Variants in NTN1 observed in about 807,000 individuals in gnomAD.
The protein encoded by NTN1 is netrin 1, also known as netrin-1.
In NTN1, 11 loss-of-function variants were observed where a neutral mutation model predicts 54.2. The observed-to-expected ratio is 0.20, with a 90% CI of 0.13 to 0.34. NTN1 has a LOEUF of 0.34. Ranked by LOEUF, NTN1 falls within the 10% of genes least tolerant of loss-of-function variation. The pLI, the probability that NTN1 is intolerant of heterozygous loss-of-function variation, is 1.00. For missense variants in NTN1, 740 were observed against 893.1 expected, an observed-to-expected ratio of 0.83 and a Z score of 2.18; for synonymous variants, 371 against 382.0, an observed-to-expected ratio of 0.97 and a Z score of 0.33.
At chr17:9,163,043 G>T (rs748971464) in intron 3 of NTN1, 42 bp downstream of exon 3, 1 of 1,541,082 alleles carries the variant, frequency 6.5e-7, no homozygotes, top group South Asian at 1.2e-5. Flanking sequence ...GGAGACCCGG[G>T]GAACATCAGT....
chr17:9,026,657 G>A (rs1235171954), intron 2 of NTN1, among the ~76,000 whole-genome samples: 2 of 143,446 alleles, frequency 1.4e-5, no homozygotes, highest in African/African-American at 5.2e-5. Flanking sequence ...CCCCCTCCCC[G>A]CCCTTCCCTT....
intron 5 of NTN1, among the ~76,000 whole-genome samples, chr17:9,214,211 A>G (rs778068803): frequency 2.6e-5 from 4 of 152,134 alleles, no homozygotes; most frequent in Middle Eastern, 3.4e-3. Flanking sequence ...CTTCTTTAAT[A>G]ACAAATAATA....
chr17:9,204,757 A>G (rs1034971265), intron 5 of NTN1, among the ~76,000 whole-genome samples: 4 of 152,204 alleles, frequency 2.6e-5, no homozygotes, highest in African/African-American at 4.8e-5. Flanking sequence ...TAGCCACTGT[A>G]GGATGCAGAG....
intron 2 of NTN1, among the ~76,000 whole-genome samples, chr17:9,024,499 C>A (rs1328442665): frequency 6.6e-6 from 1 of 152,252 alleles, no homozygotes; most frequent in African/African-American, 2.4e-5. Flanking sequence ...TGAGGCTCTT[C>A]AATTGCTTTG....
chr17:9,027,283 G>T (rs1298856699), intron 2 of NTN1, among the ~76,000 whole-genome samples: 2 of 152,128 alleles, frequency 1.3e-5, no homozygotes, highest in Non-Finnish European at 2.9e-5. Context: ...AACCCTGGAG[G>T]ACTTACTCTT....
intron 6 of NTN1, among the ~76,000 whole-genome samples, chr17:9,227,302 A>G (rs2142364411): frequency 6.7e-6 from 1 of 149,098 alleles, no homozygotes; most frequent in East Asian, 2.0e-4. Context: ...CACATACACA[A>G]TCACAAACAC....
At chr17:9,009,842 T>A in the NTN1 span, among the ~76,000 whole-genome samples, 3 of 152,202 alleles carry the variant, frequency 2.0e-5, no homozygotes, top group African/African-American at 7.2e-5. Context: ...TGTGGCTGAA[T>A]GAGTGGCCCC....
intron 5 of NTN1, among the ~76,000 whole-genome samples, chr17:9,195,198 C>G (rs1416115330): frequency 6.6e-6 from 1 of 151,458 alleles, no homozygotes; most frequent in Non-Finnish European, 1.5e-5. Flanking sequence ...CTCTACCACC[C>G]CTCCACCCCT....
intron 2 of NTN1, among the ~76,000 whole-genome samples, chr17:9,063,177 A>G (rs1229004190): frequency 1.3e-5 from 2 of 148,712 alleles, no homozygotes; most frequent in African/African-American, 5.2e-5. Flanking sequence ...GCTCACTGCA[A>G]CCTCCACCTC....
At chr17:9,131,513 C>G (rs1390678003) in intron 2 of NTN1, among the ~76,000 whole-genome samples, 3 of 151,730 alleles carry the variant, frequency 2.0e-5, no homozygotes, top group African/African-American at 4.8e-5. Flanking sequence ...CTCCACTAGC[C>G]TCTGCCCTGC....
At chr17:9,192,095 A>G (rs921439916) in intron 5 of NTN1, among the ~76,000 whole-genome samples, 3 of 152,188 alleles carry the variant, frequency 2.0e-5, no homozygotes, top group Non-Finnish European at 4.4e-5. Context: ...GTGGGAGGGT[A>G]ACCTGGTGCC....
At chr17:9,115,463 C>T (rs2092208141) in intron 2 of NTN1, among the ~76,000 whole-genome samples, 1 of 152,254 alleles carries the variant, frequency 6.6e-6, no homozygotes, top group South Asian at 2.1e-4. Context: ...AAGCCGGGCT[C>T]CTGGCTGGAC....
intron 4 of NTN1, among the ~76,000 whole-genome samples, chr17:9,181,218 G>C (rs1048031943): frequency 3.3e-5 from 5 of 152,134 alleles, no homozygotes; most frequent in Admixed American, 1.3e-4. Flanking sequence ...TGGACAACCT[G>C]GGGCTCCATC....
intron 2 of NTN1, among the ~76,000 whole-genome samples, chr17:9,065,463 G>C (rs909267506): frequency 6.6e-6 from 1 of 152,106 alleles, no homozygotes; most frequent in Non-Finnish European, 1.5e-5. Flanking sequence ...GCTGAGACAG[G>C]CTTTTCCTGA....
intron 6 of NTN1, among the ~76,000 whole-genome samples, chr17:9,229,626 A>G (rs1385731647): frequency 6.6e-6 from 1 of 152,088 alleles, no homozygotes; most frequent in Admixed American, 6.5e-5. Flanking sequence ...GAGACCACAG[A>G]GACATCTTCA....
At chr17:9,005,429 AAC>A in the NTN1 span, among the ~76,000 whole-genome samples, 133 of 138,158 alleles carry the variant, frequency 9.6e-4, 1 homozygote, top group Non-Finnish European at 1.8e-3. Flanking sequence ...ACCCCGACCC[AAC>A]ACACACACAC....
At chr17:9,114,166 A>ATATATATATATATAT (rs59456522) in intron 2 of NTN1, among the ~76,000 whole-genome samples, 7 of 74,606 alleles carry the variant, frequency 9.4e-5, no homozygotes, top group Admixed American at 1.5e-4. Flanking sequence ...AAAAAAAAAA[A>ATATATATATATATAT]ATATATATAT....
intron 2 of NTN1, among the ~76,000 whole-genome samples, chr17:9,109,876 G>C (rs189563397): frequency 6.6e-6 from 1 of 152,212 alleles, no homozygotes; most frequent in Non-Finnish European, 1.5e-5. Context: ...GTGAGGTTAA[G>C]CATCTTTTCA....
At chr17:9,217,468 A>T (rs1905240129) in intron 5 of NTN1, among the ~76,000 whole-genome samples, 1 of 152,236 alleles carries the variant, frequency 6.6e-6, no homozygotes, top group Non-Finnish European at 1.5e-5. Context: ...TTGAAGAAGG[A>T]GTCAAAGCTG....
Sources: allele counts gnomAD v4.1 joint callset (sites outside exome capture counted in the v4.1 genomes callset), GRCh38; gene constraint gnomAD v4.1.1; transcripts MANE v1.5; gene names NCBI Gene and HGNC (gene_info 2026-07-23, HGNC 2026-07-21).